Variants in MSRB2 observed in about 807,000 individuals in gnomAD.
The protein encoded by MSRB2 is methionine sulfoxide reductase B2, also known as methionine-R-sulfoxide reductase B2, mitochondrial.
A neutral mutation model predicts 19.0 loss-of-function variants in MSRB2; 17 were observed. That is an observed-to-expected ratio of 0.89 (90% CI 0.61 to 1.34). The LOEUF is 1.34. Among genes scored for constraint, MSRB2 ranks in the 40% most tolerant of loss-of-function variants. MSRB2 has a pLI of 0.00. For missense variants in MSRB2, 208 were observed against 237.6 expected, an observed-to-expected ratio of 0.88 and a Z score of 0.82; for synonymous variants, 107 against 99.7, an observed-to-expected ratio of 1.07 and a Z score of -0.44.
At chr10:23,105,813 T>C (rs1423111781) in intron 2 of MSRB2, among the ~76,000 whole-genome samples, 1 of 152,196 alleles carries the variant, frequency 6.6e-6, no homozygotes, top group Non-Finnish European at 1.5e-5. Flanking sequence ...GTTTTTCCAA[T>C]GCTAAAGTCA....
At chr10:23,110,978 C>G (rs1189080215) in intron 3 of MSRB2, among the ~76,000 whole-genome samples, 2 of 152,056 alleles carry the variant, frequency 1.3e-5, no homozygotes, top group African/African-American at 4.8e-5. Context: ...TCCTATTTTT[C>G]AGAACTTCAA....
chr10:23,103,990 C>T (rs1393734121), intron 1 of MSRB2, among the ~76,000 whole-genome samples, 154 bp from the exon 2 acceptor site: 1 of 152,168 alleles, frequency 6.6e-6, no homozygotes, highest in Non-Finnish European at 1.5e-5. Context: ...GTGCCTGAGC[C>T]TTCTGGTCCC....
intron 3 of MSRB2, among the ~76,000 whole-genome samples, chr10:23,115,401 A>G (rs1413552995): frequency 6.6e-6 from 1 of 152,200 alleles, no homozygotes; most frequent in African/African-American, 2.4e-5. Flanking sequence ...TTTACGTAAT[A>G]TCCTGATGTC....
At chr10:23,116,058 T>C (rs965256502) in intron 3 of MSRB2, among the ~76,000 whole-genome samples, 4 of 152,078 alleles carry the variant, frequency 2.6e-5, no homozygotes, top group African/African-American at 9.7e-5. Flanking sequence ...ACATTTCTAG[T>C]TGGACCCACA....
rs1588973179 is a variant in MSRB2, at chr10:23,121,477, A to G, written c.*615A>G. 6.6e-6 allele frequency: 1 copy of G among 152,448 alleles called. No homozygotes were observed. Among genetic ancestry groups the G allele is most frequent in the East Asian group, 1.9e-4 (1 of 5,184 alleles). The allele number at this position is 152,448 out of a possible 1,614,324, so 9.4% of individuals were successfully genotyped here. On this transcript the variant is annotated 3_prime_UTR_variant, in exon 5 of 5. Transcript: ENST00000376510. ...CTCCGGCACTAGGAATTATACTTCA[A>G]CATAAGATTTGGAGAGGGAAAACAT...
intron 3 of MSRB2, among the ~76,000 whole-genome samples, chr10:23,118,653 C>G (rs1189070188): frequency 6.6e-6 from 1 of 152,156 alleles, no homozygotes; most frequent in African/African-American, 2.4e-5. Context: ...ATTCAGGGAA[C>G]TTACCATGTG....
At chr10:23,116,757 G>C (rs1317727341) in intron 3 of MSRB2, among the ~76,000 whole-genome samples, 1 of 152,170 alleles carries the variant, frequency 6.6e-6, no homozygotes, top group Non-Finnish European at 1.5e-5. Flanking sequence ...TTATCTCAAG[G>C]CCAGTGATTG....
At chr10:23,107,636 C>T (rs554279832) in intron 2 of MSRB2, among the ~76,000 whole-genome samples, 1 of 152,204 alleles carries the variant, frequency 6.6e-6, no homozygotes, top group South Asian at 2.1e-4. Context: ...ACCCGAACTC[C>T]ATGCCATCTC....
chr10:23,112,847 G>A (rs1375817244), intron 3 of MSRB2, among the ~76,000 whole-genome samples: 1 of 152,220 alleles, frequency 6.6e-6, no homozygotes, highest in South Asian at 2.1e-4. Context: ...GCCTCCCAAA[G>A]TGCTGGGATT....
rs144653384 is a variant in MSRB2, at chr10:23,096,352, C to CTCTGTGTGTGTG, written c.118+627_118+628insCTGTGTGTGTGT. ...TGTGTGTGTGTGTCTCTCTCTCTCT[C>CTCTGTGTGTGTG]TGTGTGTGTGTGTGTGTGTGTTTCT... On this transcript the variant is annotated intron_variant, in intron 1 of 4. Transcript: ENST00000376510. Among the ~76,000 whole-genome samples the CTCTGTGTGTGTG allele has an allele frequency of 8.5e-4, 122 of 142,832 alleles. 2 individuals carry two copies. The highest frequency in any genetic ancestry group is 3.1e-3 in the African/African-American group (112 of 36,574). The allele number at this position is 142,832 out of a possible 152,430, so 93.7% of individuals were successfully genotyped here. A position where few individuals can be genotyped will look rare whatever the true frequency, so the allele number is the denominator to read the frequency against.
chr10:23,097,881 G>A lies in MSRB2; in HGVS notation c.118+2155G>A, dbSNP rs187182448. 8.7e-4 allele frequency among the ~76,000 whole-genome samples: 132 copies of A among 152,250 alleles called. 1 individual carries two copies. The highest frequency in any genetic ancestry group is 3.1e-3 in the African/African-American group (130 of 41,538). On this transcript the variant is annotated intron_variant, in intron 1 of 4. Coordinates refer to ENST00000376510, the MANE Select transcript of MSRB2 (RefSeq NM_012228.4). ...TTAACTTACATCATGGGCTTCGGGA[G>A]TGTTGAGAGAGAGGGAGACATTGGG...
intron 3 of MSRB2, chr10:23,119,067 A>G (rs775836864): frequency 1.6e-6 from 1 of 637,756 alleles, no homozygotes; most frequent in South Asian, 1.5e-5. Context: ...ATATCCAGAA[A>G]GAAGTCTTTA....
chr10:23,095,697 C>T lies in MSRB2; in HGVS notation c.89C>T (p.Pro30Leu). Residue 30 changes from proline to leucine, a missense_variant, in exon 1 of 5, where the codon CCC becomes CTC. Physicochemically the swap from Pro to Leu is moderately conservative, Grantham distance 98. Transcript: ENST00000376510. Reference sequence around the variant, plus strand: ...CGGGGCCAAGCGGGCGGCGGCGGGCCCGGCACCGGGCCGGGACTGGGGGAG... The same window carrying T: ...CGGGGCCAAGCGGGCGGCGGCGGGCTCGGCACCGGGCCGGGACTGGGGGAG... The part of the protein sequence containing the change: ...AVRGQAGGGG[P>L]GTGPGLGEAG... 1 of 1,312,212 alleles carries T rather than the reference C, an allele frequency of 7.6e-7. No individual in the cohort carries two copies. Among genetic ancestry groups the T allele is most frequent in the Middle Eastern group, 2.9e-4 (1 of 3,436 alleles). The allele number at this position is 1,312,212 out of a possible 1,614,324, so 81.3% of individuals were successfully genotyped here. A position where few individuals can be genotyped will look rare whatever the true frequency, so the allele number is the denominator to read the frequency against.
chr10:23,118,337 G>GTTTTTTTTTTTTTT (rs35011086), intron 3 of MSRB2, among the ~76,000 whole-genome samples: 2 of 92,156 alleles, frequency 2.2e-5, no homozygotes, highest in Admixed American at 1.3e-4. Flanking sequence ...TTAGTTTTTT[G>GTTTTTTTTTTTTTT]TTTTTTTTTT....
rs1839850151 is a variant in MSRB2 at position 23,095,615 on chromosome 10, C to G, written c.7C>G (p.Arg3Gly). 3 of 1,475,538 alleles carry G rather than the reference C, an allele frequency of 2.0e-6. No homozygotes were observed. The highest frequency in any genetic ancestry group is 2.7e-6 in the Non-Finnish European group (3 of 1,119,376). The allele number at this position is 1,475,538 out of a possible 1,614,324, so 91.4% of individuals were successfully genotyped here. The change falls in exon 1 of 5, where the codon CGG becomes GGG. Residue 3 changes from arginine (R) to glycine (G), a missense_variant. Physicochemically the swap from Arg to Gly is moderately radical, Grantham distance 125. Transcript: ENST00000376510. The part of the protein sequence containing the change: MA[R>G]LLWLLRGLTL... The stretch of plus-strand genomic sequence containing the variant: ...CGGCGCCGGAGCGGGCGTCATGGCG[C>G]GGCTCCTCTGGTTGCTCCGGGGCCT...
intron 3 of MSRB2, among the ~76,000 whole-genome samples, chr10:23,112,456 A>G (rs1291278350): frequency 6.6e-6 from 1 of 152,218 alleles, no homozygotes; most frequent in Non-Finnish European, 1.5e-5. Flanking sequence ...AATGAAGATA[A>G]TAGTACCTAA....
At position 23,104,222 on chromosome 10, in the gene MSRB2, C is replaced by A; in HGVS notation, c.197C>A (p.Thr66Lys). The A allele has an allele frequency of 6.2e-7, 1 of 1,613,540 alleles. No homozygotes were observed. Among genetic ancestry groups the A allele is most frequent in the Non-Finnish European group, 8.5e-7 (1 of 1,179,776 alleles). ...CTAACCCCGGAGCAGTTCTACGTCA[C>A]AAGAGAAAAGGGAACGGAACCGGTA... ...KKLTPEQFYVTREKGTEPPFS... is the reference protein window; with the variant it reads ...KKLTPEQFYVKREKGTEPPFS... Residue 66 changes from threonine (T) to lysine (K), a missense_variant, in exon 2 of 5, where the codon ACA becomes AAA. Thr to Lys is a moderately conservative substitution (Grantham distance 78, BLOSUM62 -1). Transcript: ENST00000376510.
chr10:23,121,020 A>G lies in MSRB2; in HGVS notation c.*158A>G. ...TCTCTTAATTTATTTACCTGGAATC[A>G]ACTTAATCCTGTGTGTTAGGCTGTT... On this transcript the variant is annotated 3_prime_UTR_variant, in exon 5 of 5. Coordinates refer to ENST00000376510, the MANE Select transcript of MSRB2 (RefSeq NM_012228.4). 1.6e-6 allele frequency: 1 copy of G among 611,460 alleles called. No individual in the cohort carries two copies. Among genetic ancestry groups the G allele is most frequent in the Non-Finnish European group, 2.9e-6 (1 of 343,876 alleles). The allele number at this position is 611,460 out of a possible 1,614,324, so 37.9% of individuals were successfully genotyped here.
At chr10:23,115,283 A>G (rs1057225533) in intron 3 of MSRB2, among the ~76,000 whole-genome samples, 2 of 152,186 alleles carry the variant, frequency 1.3e-5, no homozygotes, top group East Asian at 1.9e-4. Flanking sequence ...CTTCTTCTAC[A>G]TGAGCCTATT....
Sources: gnomAD v4.1 joint callset for allele counts (sites outside exome capture counted in the v4.1 genomes callset) on GRCh38, gnomAD v4.1.1 for gene constraint, MANE v1.5 for transcripts, NCBI Gene and HGNC (gene_info 2026-07-23, HGNC 2026-07-21) for gene names.